CDH12: variants seen among roughly 807,000 people sequenced by gnomAD.
CDH12 encodes the protein cadherin-12.
In CDH12, 41 loss-of-function variants were observed where a neutral mutation model predicts 74.1. The observed-to-expected ratio is 0.55, with a 90% CI of 0.43 to 0.72. CDH12 has a LOEUF of 0.72. CDH12 is among the 30% of genes least tolerant of loss of function. The pLI, the probability that CDH12 is intolerant of heterozygous loss-of-function variation, is 0.00. For synonymous variants in CDH12, 399 were observed against 355.0 expected (o/e 1.12, Z -1.39); for missense variants, 945 against 977.2 (o/e 0.97, Z 0.44).
At chr5:22,077,921 C>A (rs2150224758) in intron 5 of CDH12, among the ~76,000 whole-genome samples, 1 of 152,038 alleles carries the variant, frequency 6.6e-6, no homozygotes, top group Non-Finnish European at 1.5e-5. Context: ...CTTAAGCAAG[C>A]CAAATCGAAT....
At chr5:21,844,970 CTTA>C (rs1191946225) in intron 7 of CDH12, among the ~76,000 whole-genome samples, 2 of 150,950 alleles carry the variant, frequency 1.3e-5, no homozygotes, top group African/African-American at 4.9e-5. Context: ...GAAGTTAATT[CTTA>C]TTATTACCTG....
chr5:22,823,332 ATGTAACAAACCTGCACATTG>A (rs574902792), intron 1 of CDH12, among the ~76,000 whole-genome samples: 190 of 152,234 alleles, frequency 1.2e-3, no homozygotes, highest in African/African-American at 4.3e-3. Flanking sequence ...ATGTATACAT[ATGTAACAAACCTGCACATTG>A]TGCACATCTA....
chr5:22,206,696 A>AT (rs1016374225), intron 4 of CDH12, among the ~76,000 whole-genome samples: 2 of 147,662 alleles, frequency 1.4e-5, no homozygotes, highest in African/African-American at 5.0e-5. Context: ...AAAAAAAAAA[A>AT]AAAAAAGAGT....
chr5:21,965,866 T>C (rs1434209332), intron 6 of CDH12, among the ~76,000 whole-genome samples: 1 of 152,166 alleles, frequency 6.6e-6, no homozygotes, highest in African/African-American at 2.4e-5. Flanking sequence ...CGAGTTGTTC[T>C]TTCAACATTT....
intron 3 of CDH12, among the ~76,000 whole-genome samples, chr5:22,247,711 T>C (rs1297066629): frequency 6.6e-6 from 1 of 152,068 alleles, no homozygotes; most frequent in African/African-American, 2.4e-5. Flanking sequence ...TTGGTAACTT[T>C]GAGTTATAGC....
intron 11 of CDH12, among the ~76,000 whole-genome samples, chr5:21,766,430 C>T (rs556385786): frequency 5.9e-4 from 89 of 151,938 alleles, no homozygotes; most frequent in African/African-American, 2.0e-3. Context: ...GGTCACAAGC[C>T]ACTATCTTAT....
chr5:22,584,870 C>A lies in CDH12; in HGVS notation c.-522-79506G>T, dbSNP rs541124990. On this transcript the variant is annotated intron_variant, in intron 1 of 14. Transcript: ENST00000382254. ...CCCTTCTGACAGGCATCACAAATTA[C>A]CTTGAACTCTTTAACACCATTTCTT... 6.9e-4 allele frequency among the ~76,000 whole-genome samples: 105 copies of A among 152,216 alleles called. 1 individual carries two copies. Among genetic ancestry groups the A allele is most frequent in the African/African-American group, 2.4e-3 (101 of 41,542 alleles).
intron 11 of CDH12, among the ~76,000 whole-genome samples, chr5:21,768,954 G>A (rs183468994): frequency 6.6e-6 from 1 of 151,934 alleles, no homozygotes; most frequent in East Asian, 1.9e-4. Flanking sequence ...TTTATCCTGG[G>A]GACACGAGGT....
chr5:22,457,939 T>C (rs908264352), intron 2 of CDH12, among the ~76,000 whole-genome samples: 1 of 152,022 alleles, frequency 6.6e-6, no homozygotes, highest in African/African-American at 2.4e-5. Context: ...AAGACGGGGT[T>C]TCACCACCTT....
At chr5:22,448,343 C>G (rs1214406163) in intron 2 of CDH12, among the ~76,000 whole-genome samples, 1 of 151,602 alleles carries the variant, frequency 6.6e-6, no homozygotes, top group Non-Finnish European at 1.5e-5. Flanking sequence ...AAAAAATATG[C>G]CAGTGAATGA....
At chr5:21,938,723 CATATATATATATAT>C (rs545475183) in intron 6 of CDH12, among the ~76,000 whole-genome samples, 12 of 112,048 alleles carry the variant, frequency 1.1e-4, no homozygotes, top group South Asian at 2.9e-4. Flanking sequence ...ATATAATATA[CATATATATATATAT>C]ATATATATAT....
intron 3 of CDH12, among the ~76,000 whole-genome samples, chr5:22,217,169 AAT>A (rs1364981755): frequency 1.3e-5 from 2 of 151,786 alleles, no homozygotes; most frequent in Non-Finnish European, 3.0e-5. Flanking sequence ...ATTGATGTGA[AAT>A]TGTAAATGGA....
At chr5:22,114,355 ACTT>A (rs1366250708) in intron 4 of CDH12, among the ~76,000 whole-genome samples, 1 of 152,030 alleles carries the variant, frequency 6.6e-6, no homozygotes, top group Non-Finnish European at 1.5e-5. Context: ...ATGATATAAA[ACTT>A]CTTCTTTAGT....
chr5:22,189,135 C>T (rs1171955291), intron 4 of CDH12, among the ~76,000 whole-genome samples: 3 of 152,052 alleles, frequency 2.0e-5, no homozygotes, highest in Non-Finnish European at 4.4e-5. Flanking sequence ...TTAACATTTT[C>T]CAACTTCAGT....
At chr5:22,575,153 A>C (rs2126772319) in intron 1 of CDH12, among the ~76,000 whole-genome samples, 1 of 152,280 alleles carries the variant, frequency 6.6e-6, no homozygotes, top group East Asian at 1.9e-4. Flanking sequence ...GGAGGGAGAA[A>C]TAGATCCCTC....
intron 5 of CDH12, among the ~76,000 whole-genome samples, chr5:22,027,521 C>A (rs1738450090): frequency 1.3e-5 from 2 of 152,138 alleles, no homozygotes; most frequent in Admixed American, 1.3e-4. Flanking sequence ...AGAGATTCAA[C>A]TTCTTCCTGG....
rs1447223439 is a variant in CDH12, at chr5:22,791,271, C to T, written c.-523+61787G>A. ...GGGTATAAGAGCAGAAATCTAGTGC[C>T]AGAAGAAAAATAGATTGTAAGCCTG... On this transcript the variant is annotated intron_variant, in intron 1 of 14. Coordinates refer to ENST00000382254, the MANE Select transcript of CDH12 (RefSeq NM_004061.5). 2.0e-5 allele frequency among the ~76,000 whole-genome samples: 3 copies of T among 152,010 alleles called. No homozygotes were observed. The East Asian group carries it at 5.8e-4, about 29-fold the overall frequency.
chr5:22,206,720 T>TTATTTGAA (rs1751242178), intron 4 of CDH12, among the ~76,000 whole-genome samples: 1 of 149,162 alleles, frequency 6.7e-6, no homozygotes, highest in South Asian at 2.1e-4. Context: ...TCTATGTTTA[T>TTATTTGAA]TATTTGAATC....
chr5:22,208,963 C>T (rs536516298), intron 4 of CDH12, among the ~76,000 whole-genome samples: 17 of 152,250 alleles, frequency 1.1e-4, no homozygotes, highest in South Asian at 4.2e-4. Context: ...ATTGAAAGTA[C>T]GCTGGTTGGT....
Sources: gnomAD v4.1 joint callset for allele counts (sites outside exome capture counted in the v4.1 genomes callset) on GRCh38, gnomAD v4.1.1 for gene constraint, MANE v1.5 for transcripts, NCBI Gene and HGNC (gene_info 2026-07-23, HGNC 2026-07-21) for gene names.